The following LOXHD1 variants were observed in gnomAD, a reference collection of about 807,000 sequenced individuals.
LOXHD1 encodes the protein lipoxygenase homology PLAT domains 1.
In LOXHD1, 205 loss-of-function variants were observed where a neutral mutation model predicts 248.2. The ratio of observed to expected loss-of-function variants is 0.83; its 90% CI spans 0.74 to 0.93. The LOEUF (loss-of-function observed/expected upper bound fraction) is 0.93. Among genes scored for constraint, LOXHD1 ranks in the 40% least tolerant of loss-of-function variants. LOXHD1 has a pLI of 0.00. For missense variants in LOXHD1, 2,930 were observed against 2,971.6 expected, an observed-to-expected ratio of 0.99 and a Z score of 0.33; for synonymous variants, 1,113 against 1,162.8, an observed-to-expected ratio of 0.96 and a Z score of 0.87.
chr18:46,514,070 A>G (rs544611110), intron 34 of LOXHD1, among the ~76,000 whole-genome samples: 1 of 152,324 alleles, frequency 6.6e-6, no homozygotes, highest in South Asian at 2.1e-4. Flanking sequence ...CCTACGAGAC[A>G]TATGAGGTGA....
At chr18:46,547,704 C>T (rs568129439) in intron 21 of LOXHD1, among the ~76,000 whole-genome samples, 2 of 152,218 alleles carry the variant, frequency 1.3e-5, no homozygotes, top group African/African-American at 4.8e-5. Flanking sequence ...TCAGACTGTC[C>T]AGGTTTAAAT....
intron 5 of LOXHD1, among the ~76,000 whole-genome samples, chr18:46,613,435 C>T (rs1382114310): frequency 6.6e-6 from 1 of 151,976 alleles, no homozygotes; most frequent in African/African-American, 2.4e-5. Context: ...GTAACTTTCT[C>T]TTTCATTGGT....
Position 46,511,537 on chromosome 18 carries a change from G to T in LOXHD1, c.5400-1722C>A, listed in dbSNP as rs1019390731. ...GCCTGCTATGAAAGGCTGTCCTTAGGGAGGGCCCAGCAACCACTCCCTCAC... is the reference window on the plus strand; with the variant it reads ...GCCTGCTATGAAAGGCTGTCCTTAGTGAGGGCCCAGCAACCACTCCCTCAC... On this transcript the variant is annotated intron_variant, in intron 34 of 40. Transcript: ENST00000642948. Among the ~76,000 whole-genome samples, 7 of 152,324 alleles carry T rather than the reference G, an allele frequency of 4.6e-5. No homozygotes were observed. In the East Asian group the frequency reaches 1.4e-3, roughly 29 times the overall value.
chr18:46,623,309 C>T (rs145395547), intron 4 of LOXHD1, among the ~76,000 whole-genome samples: 10 of 152,340 alleles, frequency 6.6e-5, no homozygotes, highest in Non-Finnish European at 1.3e-4. Flanking sequence ...CTGAGACCAG[C>T]AACCCTACCT....
Position 46,477,407 on chromosome 18 carries a change from G to A in LOXHD1, c.*65C>T, listed in dbSNP as rs758827487. ...TAGAGGCTTTGAAGGGCTGCTGACC[G>A]CCAAGGTGGAGGGCAGAAATGTGAG... On this transcript the variant is annotated 3_prime_UTR_variant, in exon 41 of 41. Transcript: ENST00000642948. The A allele has an allele frequency of 7.5e-5, 115 of 1,526,294 alleles. No homozygotes were observed. The highest frequency in any genetic ancestry group is 2.1e-4 in the South Asian group (17 of 79,768). The allele number at this position is 1,526,294 out of a possible 1,614,324, so 94.5% of individuals were successfully genotyped here. A position where few individuals can be genotyped will look rare whatever the true frequency, so the allele number is the denominator to read the frequency against.
At chr18:46,494,847 CTCTTTTTTTT>C (rs1164308659) in intron 37 of LOXHD1, among the ~76,000 whole-genome samples, 2 of 113,430 alleles carry the variant, frequency 1.8e-5, no homozygotes, top group Non-Finnish European at 3.8e-5. Context: ...TTTTCTCTCT[CTCTTTTTTTT>C]TTTTTTTTTT....
At chr18:46,524,396 C>T in intron 31 of LOXHD1, 70 bp downstream of exon 31, 1 of 1,513,960 alleles carries the variant, frequency 6.6e-7, no homozygotes, top group East Asian at 2.5e-5. Flanking sequence ...AAGAATGGCT[C>T]ATCCAAGAAT....
chr18:46,526,552 C>T (rs1478873132), intron 29 of LOXHD1, among the ~76,000 whole-genome samples: 1 of 152,190 alleles, frequency 6.6e-6, no homozygotes, highest in Admixed American at 6.5e-5. Flanking sequence ...GAGGGTGGGG[C>T]ATGCTGGAAA....
rs1259214439 is a variant in LOXHD1 at position 46,563,108 on chromosome 18, C to T, written c.2555G>A (p.Ser852Asn). Residue 852 changes from serine (S) to asparagine (N), a missense_variant, in exon 18 of 41, where the codon AGC becomes AAC. Transcript: ENST00000642948. ...KGKTEVLFLS[S>N]RSKVFERASK... ...CGCCCGTTCAAAAACTTTTGAGCGGCTGGAGAGGAAGAGCACTTCTGTCTT... is the reference window on the plus strand; with the variant it reads ...CGCCCGTTCAAAAACTTTTGAGCGGTTGGAGAGGAAGAGCACTTCTGTCTT... 3.9e-6 allele frequency: 6 copies of T among 1,546,156 alleles called. No homozygotes were observed. Among genetic ancestry groups the T allele is most frequent in the Non-Finnish European group, 5.3e-6 (6 of 1,142,436 alleles).
At chr18:46,593,157 C>G (rs1157570997) in intron 10 of LOXHD1, among the ~76,000 whole-genome samples, 1 of 152,070 alleles carries the variant, frequency 6.6e-6, no homozygotes, top group Non-Finnish European at 1.5e-5. Context: ...AAAATCTTTG[C>G]TCTAGTTTTA....
At chr18:46,487,375 T>C (rs1336537061) in intron 38 of LOXHD1, among the ~76,000 whole-genome samples, 1 of 152,200 alleles carries the variant, frequency 6.6e-6, no homozygotes, top group Non-Finnish European at 1.5e-5. Context: ...AGATTCCATG[T>C]CACATTGTTC....
chr18:46,529,049 G>C (rs887750020), intron 29 of LOXHD1, 128 bp downstream of exon 29: 1 of 1,157,534 alleles, frequency 8.6e-7, no homozygotes, highest in Non-Finnish European at 1.2e-6. Context: ...CAAGGGCAGA[G>C]GCCCAAATGA....
intron 15 of LOXHD1, among the ~76,000 whole-genome samples, chr18:46,571,872 C>T (rs763768062): frequency 1.3e-5 from 2 of 152,216 alleles, no homozygotes; most frequent in Non-Finnish European, 2.9e-5. Context: ...GACCCATATG[C>T]ATTCAGGGCC....
chr18:46,597,841 C>A (rs1025545878), intron 8 of LOXHD1, among the ~76,000 whole-genome samples: 1 of 151,864 alleles, frequency 6.6e-6, no homozygotes, highest in Non-Finnish European at 1.5e-5. Context: ...ACTGCAAGCT[C>A]CACCTCCAGA....
rs1291296836 is a variant in LOXHD1, at chr18:46,559,337, A to C, written c.3216+111T>G. On this transcript the variant is annotated intron_variant, in intron 20 of 40. Coordinates refer to ENST00000642948, the MANE Select transcript of LOXHD1 (RefSeq NM_001384474.1). ...TGCCATGAAACCTGGTGGGATGAAC[A>C]AGTCACACTGCCAAACACAGCAGCC... The C allele has an allele frequency of 7.8e-6, 12 of 1,548,184 alleles. No individual in the cohort carries two copies. In the East Asian group the frequency reaches 2.9e-4, roughly 38 times the overall value.
At chr18:46,495,992 G>A (rs1211041135) in intron 37 of LOXHD1, among the ~76,000 whole-genome samples, 1 of 152,024 alleles carries the variant, frequency 6.6e-6, no homozygotes, top group East Asian at 1.9e-4. Context: ...AGATGGCGCC[G>A]CTGCACTCCA....
intron 39 of LOXHD1, among the ~76,000 whole-genome samples, chr18:46,484,027 G>A (rs75794379): frequency 0.063 from 9,632 of 152,242 alleles, 419 homozygotes; most frequent in Middle Eastern, 0.092. Flanking sequence ...TTGGAGAGCA[G>A]AGGGAGGAGG....
chr18:46,560,048 T>TCCCAGGCC, intron 19 of LOXHD1, 35 bp downstream of exon 19: 1 of 1,226,298 alleles, frequency 8.2e-7, no homozygotes. Context: ...GTCTGGCCAC[T>TCCCAGGCC]CCCTCCCCAC....
intron 37 of LOXHD1, among the ~76,000 whole-genome samples, chr18:46,493,779 A>G (rs1368385113): frequency 6.6e-6 from 1 of 152,222 alleles, no homozygotes; most frequent in Non-Finnish European, 1.5e-5. Context: ...GCTGCTCCCT[A>G]GAGTTTAACA....
Sources: allele counts gnomAD v4.1 joint callset (sites outside exome capture counted in the v4.1 genomes callset), GRCh38; gene constraint gnomAD v4.1.1; transcripts MANE v1.5; gene names NCBI Gene and HGNC (gene_info 2026-07-23, HGNC 2026-07-21).